COL8A1: variants seen among roughly 807,000 people sequenced by gnomAD.
COL8A1 encodes collagen alpha-1(VIII) chain.
In COL8A1, 21 loss-of-function variants were observed where a neutral mutation model predicts 42.7. That is an observed-to-expected ratio of 0.49 (90% CI 0.35 to 0.71). COL8A1 has a LOEUF of 0.71. COL8A1 is among the 30% of genes least tolerant of loss of function. The pLI, the probability that COL8A1 is intolerant of heterozygous loss-of-function variation, is 0.01. For missense variants in COL8A1, 788 were observed against 962.4 expected (o/e 0.82, Z 2.40); for synonymous variants, 367 against 369.1 (o/e 0.99, Z 0.06).
intron 1 of COL8A1, among the ~76,000 whole-genome samples, chr3:99,721,293 G>T (rs758382138): frequency 6.7e-6 from 1 of 150,006 alleles, no homozygotes; most frequent in African/African-American, 2.5e-5. Context: ...TCAGCGGATG[G>T]CTCAGCACAC....
intron 1 of COL8A1, among the ~76,000 whole-genome samples, chr3:99,659,716 TC>T (rs1437823862): frequency 1.3e-5 from 2 of 152,196 alleles, no homozygotes; most frequent in African/African-American, 4.8e-5. Flanking sequence ...GTTTGGTATA[TC>T]TTTTTGTCCT....
At chr3:99,783,021 G>A (rs1941824210) in intron 2 of COL8A1, among the ~76,000 whole-genome samples, 1 of 152,048 alleles carries the variant, frequency 6.6e-6, no homozygotes, top group Non-Finnish European at 1.5e-5. Context: ...AAAATTAATT[G>A]CAAACTTCAA....
chr3:99,757,749 T>C (rs192046740), intron 2 of COL8A1, among the ~76,000 whole-genome samples: 21 of 152,296 alleles, frequency 1.4e-4, no homozygotes, highest in Admixed American at 2.6e-4. Context: ...AGGAATTGAA[T>C]GGGATACATC....
intron 2 of COL8A1, among the ~76,000 whole-genome samples, chr3:99,768,580 A>G (rs1030588560): frequency 6.6e-6 from 1 of 152,234 alleles, no homozygotes; most frequent in Admixed American, 6.5e-5. Flanking sequence ...TCATACACAT[A>G]ACTTTCCTGC....
chr3:99,760,415 GAT>G (rs1224021899), intron 2 of COL8A1, among the ~76,000 whole-genome samples: 1 of 152,122 alleles, frequency 6.6e-6, no homozygotes, highest in African/African-American at 2.4e-5. Flanking sequence ...GCAAAGAAAA[GAT>G]ATTTTCTTTG....
At chr3:99,743,545 A>G (rs979113834) in intron 1 of COL8A1, among the ~76,000 whole-genome samples, 4 of 152,164 alleles carry the variant, frequency 2.6e-5, no homozygotes, top group Non-Finnish European at 5.9e-5. Flanking sequence ...TTGAGTACCA[A>G]ATACAGAGAA....
intron 1 of COL8A1, among the ~76,000 whole-genome samples, chr3:99,653,069 G>A (rs1016230794): frequency 1.3e-5 from 2 of 152,214 alleles, no homozygotes; most frequent in Admixed American, 1.3e-4. Context: ...TTACCTCTCA[G>A]GATTGATGTG....
At chr3:99,715,340 T>G (rs1045785003) in intron 1 of COL8A1, among the ~76,000 whole-genome samples, 11 of 151,938 alleles carry the variant, frequency 7.2e-5, no homozygotes, top group Non-Finnish European at 8.8e-5. Context: ...AAGAGGTGAA[T>G]ATATTAGGGA....
At chr3:99,765,431 C>G (rs191834677) in intron 2 of COL8A1, among the ~76,000 whole-genome samples, 2 of 152,318 alleles carry the variant, frequency 1.3e-5, no homozygotes, top group Admixed American at 6.5e-5. Context: ...TTTGTTTACA[C>G]TCTACAATGA....
At chr3:99,640,377 A>G (rs1937483840) in intron 1 of COL8A1, among the ~76,000 whole-genome samples, 1 of 152,154 alleles carries the variant, frequency 6.6e-6, no homozygotes, top group Non-Finnish European at 1.5e-5. Context: ...ATTCAAGTTA[A>G]TTCTTCTTTT....
At chr3:99,679,619 T>A (rs1229433351) in intron 1 of COL8A1, 1 of 152,240 alleles carries the variant, frequency 6.6e-6, no homozygotes, top group Admixed American at 6.5e-5. Context: ...TAACTTGGTG[T>A]ATGATCTTGA....
intron 1 of COL8A1, among the ~76,000 whole-genome samples, chr3:99,739,606 T>A (rs1244774374): frequency 6.6e-5 from 10 of 151,668 alleles, no homozygotes; most frequent in Non-Finnish European, 1.5e-4. Context: ...AAGCTTGGGG[T>A]TTGCACCCTC....
intron 1 of COL8A1, among the ~76,000 whole-genome samples, chr3:99,665,286 AG>A (rs1938329109): frequency 6.6e-6 from 1 of 152,226 alleles, no homozygotes; most frequent in Non-Finnish European, 1.5e-5. Context: ...CTCACAGAAA[AG>A]CTTCTCACCA....
chr3:99,713,720 A>G (rs1204525510), intron 1 of COL8A1, among the ~76,000 whole-genome samples: 2 of 152,110 alleles, frequency 1.3e-5, no homozygotes. Context: ...TGTTTCAATA[A>G]AGTTGCCACT....
At chr3:99,707,696 G>T (rs1372160932) in intron 1 of COL8A1, among the ~76,000 whole-genome samples, 1 of 152,188 alleles carries the variant, frequency 6.6e-6, no homozygotes, top group Admixed American at 6.5e-5. Flanking sequence ...ACTGCAGAAA[G>T]TGCCATCTAG....
intron 1 of COL8A1, among the ~76,000 whole-genome samples, chr3:99,708,150 GA>G (rs1236796907): frequency 2.6e-5 from 4 of 151,874 alleles, no homozygotes; most frequent in Non-Finnish European, 5.9e-5. Flanking sequence ...CCCTCCATTT[GA>G]AAAAAATTAA....
At chr3:99,677,266 C>T (rs1179781439) in intron 1 of COL8A1, among the ~76,000 whole-genome samples, 2 of 152,004 alleles carry the variant, frequency 1.3e-5, no homozygotes, top group Non-Finnish European at 2.9e-5. Context: ...GAAAATACAA[C>T]CAAAATCAAT....
intron 1 of COL8A1, among the ~76,000 whole-genome samples, chr3:99,695,285 A>C (rs959154990): frequency 3.4e-4 from 52 of 152,222 alleles, no homozygotes; most frequent in Middle Eastern, 3.2e-3. Context: ...AAACATGTTA[A>C]TCTTAAGAGG....
chr3:99,767,433 C>T (rs1941484804), intron 2 of COL8A1, among the ~76,000 whole-genome samples: 1 of 152,210 alleles, frequency 6.6e-6, no homozygotes, highest in East Asian at 1.9e-4. Flanking sequence ...TTTAAAACTA[C>T]ATACATTTAT....
Sources: gnomAD v4.1 joint callset for allele counts (sites outside exome capture counted in the v4.1 genomes callset) on GRCh38, gnomAD v4.1.1 for gene constraint, MANE v1.5 for transcripts, NCBI Gene and HGNC (gene_info 2026-07-23, HGNC 2026-07-21) for gene names.